CDH12: variants seen among roughly 807,000 people sequenced by gnomAD.
CDH12 encodes cadherin 12.
Under a neutral mutation model 74.1 loss-of-function variants are expected in CDH12, and 41 were observed. The ratio of observed to expected loss-of-function variants is 0.55; its 90% CI spans 0.43 to 0.72. The LOEUF (loss-of-function observed/expected upper bound fraction) is 0.72, where lower values mean the gene tolerates loss of function less well. CDH12 is among the 30% of genes least tolerant of loss of function. CDH12 has a pLI of 0.00. For missense variants in CDH12, 945 were observed against 977.2 expected (o/e 0.97, Z 0.44); for synonymous variants, 399 against 355.0 (o/e 1.12, Z -1.39).
intron 1 of CDH12, among the ~76,000 whole-genome samples, chr5:22,627,607 G>C (rs1212033961): frequency 2.6e-5 from 4 of 152,034 alleles, no homozygotes; most frequent in African/African-American, 7.2e-5. Context: ...GAAAATGAAA[G>C]ACCATTACCA....
intron 4 of CDH12, among the ~76,000 whole-genome samples, chr5:22,190,346 A>G (rs866744424): frequency 5.4e-5 from 8 of 148,834 alleles, no homozygotes; most frequent in South Asian, 2.2e-4. Context: ...TCATGCCTCC[A>G]TCTGTCTGTC....
intron 6 of CDH12, among the ~76,000 whole-genome samples, chr5:21,906,252 CTT>C (rs1430741361): frequency 6.6e-6 from 1 of 152,046 alleles, no homozygotes; most frequent in African/African-American, 2.4e-5. Flanking sequence ...GTTTTCATGA[CTT>C]CAGTCATTTC....
chr5:22,083,821 G>A (rs1229991589), intron 4 of CDH12, among the ~76,000 whole-genome samples: 1 of 152,004 alleles, frequency 6.6e-6, no homozygotes, highest in Non-Finnish European at 1.5e-5. Flanking sequence ...AAACCTCAGG[G>A]GTTTCCAATC....
rs544562113 is a variant in CDH12 at position 22,722,035 on chromosome 5, C to T, written c.-523+131023G>A. ...ACTAGTACAGACACTTCTAAATTGG[C>T]TCCCCCAGGTTTTGCTGACATATGT... On this transcript the variant is annotated intron_variant, in intron 1 of 14. Transcript: ENST00000382254. Among the ~76,000 whole-genome samples the T allele has an allele frequency of 4.6e-5, 7 of 152,266 alleles. No homozygotes were observed. The Middle Eastern group carries it at 0.01, about 222-fold the overall frequency.
At chr5:21,854,408 A>T (rs1487763026) in intron 7 of CDH12, among the ~76,000 whole-genome samples, 3 of 151,730 alleles carry the variant, frequency 2.0e-5, no homozygotes, top group Non-Finnish European at 4.4e-5. Flanking sequence ...ACTTTTGAAA[A>T]TTTTAAATAA....
intron 1 of CDH12, among the ~76,000 whole-genome samples, chr5:22,813,578 G>A (rs1342237187): frequency 6.6e-6 from 1 of 151,916 alleles, no homozygotes; most frequent in Non-Finnish European, 1.5e-5. Context: ...GAAGGTGATG[G>A]GATGTCATTT....
chr5:22,527,943 A>G (rs1218654833), intron 1 of CDH12, among the ~76,000 whole-genome samples: 1 of 152,106 alleles, frequency 6.6e-6, no homozygotes, highest in Non-Finnish European at 1.5e-5. Context: ...CCTGGTTCAT[A>G]TTTATGTTGC....
At chr5:22,458,478 AC>A (rs1745378398) in intron 2 of CDH12, among the ~76,000 whole-genome samples, 1 of 152,176 alleles carries the variant, frequency 6.6e-6, no homozygotes, top group Non-Finnish European at 1.5e-5. Flanking sequence ...CAACCCAGAA[AC>A]CAGAACCTAC....
chr5:22,183,581 T>C (rs1292033849), intron 4 of CDH12, among the ~76,000 whole-genome samples: 1 of 152,170 alleles, frequency 6.6e-6, no homozygotes, highest in Admixed American at 6.5e-5. Context: ...TCGTGAAATT[T>C]AATGAAACCA....
At chr5:21,841,737 TC>T (rs1749865783) in intron 8 of CDH12, among the ~76,000 whole-genome samples, 1 of 151,742 alleles carries the variant, frequency 6.6e-6, no homozygotes, top group African/African-American at 2.4e-5. Flanking sequence ...AAATCATCAT[TC>T]TCAGTAAACT....
At chr5:21,962,502 A>C (rs1756403931) in intron 6 of CDH12, among the ~76,000 whole-genome samples, 1 of 152,110 alleles carries the variant, frequency 6.6e-6, no homozygotes, top group Non-Finnish European at 1.5e-5. Context: ...ATATCTGTTC[A>C]TTTCAATGCC....
chr5:22,718,824 T>A (rs1173737286), intron 1 of CDH12, among the ~76,000 whole-genome samples: 1 of 152,190 alleles, frequency 6.6e-6, no homozygotes, highest in East Asian at 1.9e-4. Context: ...TGTATTGCCA[T>A]GCATTGTGGC....
At chr5:22,517,803 G>T (rs1309216163) in intron 1 of CDH12, among the ~76,000 whole-genome samples, 1 of 151,942 alleles carries the variant, frequency 6.6e-6, no homozygotes, top group Non-Finnish European at 1.5e-5. Flanking sequence ...CCTGTCTTTT[G>T]TTTCTCTATT....
At chr5:22,806,537 G>T (rs1032609291) in intron 1 of CDH12, among the ~76,000 whole-genome samples, 5 of 151,818 alleles carry the variant, frequency 3.3e-5, no homozygotes, top group Non-Finnish European at 5.9e-5. Context: ...TGTATTTTTA[G>T]TAGAGACGGG....
chr5:21,893,426 G>T (rs111465799), intron 6 of CDH12, among the ~76,000 whole-genome samples: 279 of 152,234 alleles, frequency 1.8e-3, no homozygotes, highest in African/African-American at 6.5e-3. Context: ...AGCGGGAATT[G>T]CAGACATATC....
At position 21,920,443 on chromosome 5, in the gene CDH12, T is replaced by C. The variant is rs1356450787; in HGVS notation, c.526+54648A>G. Among the ~76,000 whole-genome samples the C allele has an allele frequency of 2.6e-5, 4 of 151,814 alleles. No homozygotes were observed. In the East Asian group the frequency reaches 7.7e-4, roughly 29 times the overall value. ...AACACAAGAATAGAAAACCAAACAA[T>C]GCATGCTCTCACTGATAAGTGGGAG... On this transcript the variant is annotated intron_variant, in intron 6 of 14. Transcript: ENST00000382254.
At chr5:22,456,535 C>A (rs1745282468) in intron 2 of CDH12, among the ~76,000 whole-genome samples, 1 of 151,984 alleles carries the variant, frequency 6.6e-6, no homozygotes, top group South Asian at 2.1e-4. Context: ...TGATCTATAT[C>A]TTAAACAGCA....
chr5:22,351,677 A>G (rs1004219149), intron 3 of CDH12, among the ~76,000 whole-genome samples: 1 of 152,230 alleles, frequency 6.6e-6, no homozygotes, highest in African/African-American at 2.4e-5. Flanking sequence ...TATCATGAAA[A>G]TCAGGATTTG....
intron 3 of CDH12, among the ~76,000 whole-genome samples, chr5:22,346,288 A>G (rs906639430): frequency 4.6e-5 from 7 of 152,156 alleles, no homozygotes; most frequent in African/African-American, 1.7e-4. Flanking sequence ...AATCCCTCTT[A>G]TCCCACTTTT....
Sources: allele counts gnomAD v4.1 joint callset (sites outside exome capture counted in the v4.1 genomes callset), GRCh38; gene constraint gnomAD v4.1.1; transcripts MANE v1.5; gene names NCBI Gene and HGNC (gene_info 2026-07-23, HGNC 2026-07-21).